ZMAT3: variants seen among roughly 807,000 people sequenced by gnomAD.
ZMAT3 encodes the protein zinc finger matrin-type protein 3.
Under a neutral mutation model 32.3 loss-of-function variants are expected in ZMAT3, and 17 were observed. The observed-to-expected ratio is 0.53, with a 90% confidence interval of 0.36 to 0.79. The LOEUF is 0.79. Ranked by LOEUF, ZMAT3 falls within the 30% of genes least tolerant of loss-of-function variation. The probability of loss-of-function intolerance (pLI) is 0.00; values close to 1 mark genes in which losing one functional copy is unlikely to be tolerated. For synonymous variants in ZMAT3, 120 were observed against 133.1 expected (o/e 0.90, Z 0.68); for missense variants, 329 against 359.7 (o/e 0.91, Z 0.69).
intron 2 of ZMAT3, among the ~76,000 whole-genome samples, chr3:179,050,872 T>A (rs1720518560): frequency 6.6e-6 from 1 of 152,112 alleles, no homozygotes; most frequent in African/African-American, 2.4e-5. Flanking sequence ...CATAAAAGAA[T>A]TAAAAACAAA....
At chr3:179,050,595 G>A (rs545146527) in intron 2 of ZMAT3, among the ~76,000 whole-genome samples, 14 of 152,192 alleles carry the variant, frequency 9.2e-5, no homozygotes, top group African/African-American at 3.4e-4. Flanking sequence ...AAAGAAATAG[G>A]GAATCCTCCC....
intron 3 of ZMAT3, among the ~76,000 whole-genome samples, chr3:179,029,219 T>G (rs1380406373): frequency 1.3e-5 from 2 of 151,578 alleles, no homozygotes; most frequent in South Asian, 2.1e-4. Context: ...TGTAACACCA[T>G]GGAAAGTTAC....
chr3:179,036,828 G>C (rs1719618603), intron 2 of ZMAT3, among the ~76,000 whole-genome samples: 2 of 152,278 alleles, frequency 1.3e-5, no homozygotes, highest in South Asian at 4.1e-4. Flanking sequence ...ACAGTTTAAA[G>C]ACTGAAAACT....
chr3:179,055,062 C>G (rs1228404191), intron 2 of ZMAT3, among the ~76,000 whole-genome samples: 1 of 152,156 alleles, frequency 6.6e-6, no homozygotes, highest in Non-Finnish European at 1.5e-5. Flanking sequence ...AGTGGCCCGC[C>G]GCCATCTTGG....
rs1721115442 is a variant in ZMAT3 at position 179,060,805 on chromosome 3, GC to G, written c.270+6677del. ...TCAGACTACAAGGATAAAAGGGAGA[GC>G]CTAAAAGCTTCCAGGGGAAAAAAAA... is the stretch of plus-strand genomic sequence containing the variant. On this transcript the variant is annotated intron_variant, in intron 2 of 5. Transcript: ENST00000311417. 3.3e-5 allele frequency among the ~76,000 whole-genome samples: 5 copies of G among 151,900 alleles called. No individual in the cohort carries two copies. In the South Asian group the frequency reaches 1.0e-3, roughly 32 times the overall value.
chr3:179,027,653 A>G lies in ZMAT3; in HGVS notation c.550T>C (p.Ser184Pro), dbSNP rs754273355. The G allele has an allele frequency of 6.2e-7, 1 of 1,614,160 alleles. No individual in the cohort carries two copies. The highest frequency in any genetic ancestry group is 1.1e-5 in the South Asian group (1 of 91,078). Reference protein sequence around the residue: ...RLRLAEAQSNSFSESSELGQR... With the variant: ...RLRLAEAQSNPFSESSELGQR... ...GAAAATGGCAATACCTACGAGAATG[A>G]GTTACTCTGAGCTTCCGCCAGCCGC... Residue 184 changes from serine (S) to proline (P), a missense_variant, in exon 4 of 6, where the codon TCA (serine) becomes CCA (proline). Physicochemically the swap from Ser to Pro is moderately conservative, Grantham distance 74 (BLOSUM62 -1). Coordinates refer to ENST00000311417, the MANE Select transcript of ZMAT3 (RefSeq NM_022470.4).
At chr3:179,036,940 T>G (rs1029956372) in intron 2 of ZMAT3, among the ~76,000 whole-genome samples, 2 of 152,008 alleles carry the variant, frequency 1.3e-5, no homozygotes, top group African/African-American at 2.4e-5. Context: ...CGTGAACCAA[T>G]CAGCACGCAC....
intron 2 of ZMAT3, among the ~76,000 whole-genome samples, chr3:179,060,230 A>G (rs1476258709): frequency 9.9e-6 from 1 of 100,940 alleles, no homozygotes; most frequent in East Asian, 4.7e-4. Context: ...GATAAAAGAT[A>G]GCAGAGACAA....
Position 179,021,824 on chromosome 3 carries a change from C to T in ZMAT3, c.*3193G>A, listed in dbSNP as rs1718560276. 1 of 152,176 alleles carries T rather than the reference C, an allele frequency of 6.6e-6. No homozygotes were observed. Among genetic ancestry groups the T allele is most frequent in the South Asian group, 2.1e-4 (1 of 4,832 alleles). 9.4% of individuals were successfully genotyped at this position (152,176 alleles called of 1,614,324 possible). On this transcript the variant is annotated 3_prime_UTR_variant, in exon 6 of 6. Coordinates refer to ENST00000311417, the MANE Select transcript of ZMAT3 (RefSeq NM_022470.4). ...GATGTATCTATTTAGGCATTTCCTG[C>T]CTGATAACCTCTGTCACCCTTTGTT...
chr3:179,038,034 A>G (rs1270591531), intron 2 of ZMAT3, among the ~76,000 whole-genome samples: 1 of 152,214 alleles, frequency 6.6e-6, no homozygotes, highest in Non-Finnish European at 1.5e-5. Context: ...TAGATAATGG[A>G]CAGGGAGAGA....
In ZMAT3 at chr3:179,025,096, T is replaced by C. The variant is rs1718794665; in HGVS notation, c.791A>G (p.His264Arg). The C allele has an allele frequency of 1.2e-6, 2 of 1,614,262 alleles. No homozygotes were observed. The highest frequency in any genetic ancestry group is 1.7e-6 in the Non-Finnish European group (2 of 1,180,052). The change falls in exon 6 of 6, where the codon CAT becomes CGT. Residue 264 changes from histidine (H) to arginine (R), a missense_variant. Transcript: ENST00000311417. ...GCTCTTATGTTGCTTGCTCTCTAAA[T>C]GCTGCCGGAATTCCATCTCTTCGCC... ...GAGEEMEFRQ[H>R]LESKQHKSKV...
chr3:179,037,060 T>C (rs1719633927), intron 2 of ZMAT3, among the ~76,000 whole-genome samples: 1 of 152,198 alleles, frequency 6.6e-6, no homozygotes, highest in African/African-American at 2.4e-5. Context: ...CCCTCTCTGC[T>C]GAGAGCTTTC....
intron 2 of ZMAT3, among the ~76,000 whole-genome samples, chr3:179,036,858 G>T (rs553085394): frequency 3.9e-5 from 6 of 152,118 alleles, no homozygotes; most frequent in Non-Finnish European, 7.4e-5. Flanking sequence ...GTTGCAGGTG[G>T]AGTCCACAAC....
chr3:179,069,738 G>T (rs1721614031), intron 1 of ZMAT3, among the ~76,000 whole-genome samples: 1 of 152,112 alleles, frequency 6.6e-6, no homozygotes, highest in South Asian at 2.1e-4. Context: ...TGTAGTTAAG[G>T]ACAAAGTGCA....
At chr3:179,060,746 G>A (rs185707218) in intron 2 of ZMAT3, among the ~76,000 whole-genome samples, 29 of 152,000 alleles carry the variant, frequency 1.9e-4, no homozygotes, top group African/African-American at 6.3e-4. Context: ...AAAGTATCCT[G>A]GGGAAAACTA....
chr3:179,043,781 C>G (rs1463533640), intron 2 of ZMAT3, among the ~76,000 whole-genome samples: 1 of 152,136 alleles, frequency 6.6e-6, no homozygotes, highest in East Asian at 1.9e-4. Context: ...TCAGAGTGAA[C>G]AGGCAACCTA....
chr3:179,024,838 C>T lies in ZMAT3; in HGVS notation c.*179G>A. On this transcript the variant is annotated 3_prime_UTR_variant, in exon 6 of 6. Coordinates refer to ENST00000311417, the MANE Select transcript of ZMAT3 (RefSeq NM_022470.4). ...CTAAGAAGCACGTTCTTCACACCCA[C>T]CTCCCCCCGCCCCGCCCCCGGGCCC... is the stretch of plus-strand genomic sequence containing the variant. The T allele has an allele frequency of 3.3e-6, 2 of 605,936 alleles. No homozygotes were observed. Among genetic ancestry groups the T allele is most frequent in the Admixed American group, 5.5e-5 (2 of 36,518 alleles). The allele number at this position is 605,936 out of a possible 1,614,324, so 37.5% of individuals were successfully genotyped here.
At chr3:179,030,354 CTTTT>C (rs1230618538) in intron 3 of ZMAT3, among the ~76,000 whole-genome samples, 1 of 132,060 alleles carries the variant, frequency 7.6e-6, no homozygotes, top group African/African-American at 2.8e-5. Context: ...CCCAGAATTT[CTTTT>C]TTTTTTTTTT....
At chr3:179,030,373 G>C (rs1366552173) in intron 3 of ZMAT3, among the ~76,000 whole-genome samples, 2 of 54,840 alleles carry the variant, frequency 3.6e-5, no homozygotes, top group African/African-American at 1.4e-4. Context: ...TTTTTTTTTT[G>C]AGATGGAGTC....
Sources: gnomAD v4.1 joint callset for allele counts (sites outside exome capture counted in the v4.1 genomes callset) on GRCh38, gnomAD v4.1.1 for gene constraint, MANE v1.5 for transcripts, NCBI Gene and HGNC (gene_info 2026-07-23, HGNC 2026-07-21) for gene names.